The following NGEF variants were observed in gnomAD, a reference collection of about 807,000 sequenced individuals.
The protein encoded by NGEF is neuronal guanine nucleotide exchange factor.
NGEF carries 31 observed loss-of-function variants against 80.9 expected under a neutral mutation model. The ratio of observed to expected loss-of-function variants is 0.38; its 90% confidence interval spans 0.29 to 0.52. The LOEUF (loss-of-function observed/expected upper bound fraction) is 0.52. Among genes scored for constraint, NGEF ranks in the 20% least tolerant of loss-of-function variants. NGEF has a pLI of 0.84. For synonymous variants in NGEF, 371 were observed against 370.2 expected (o/e 1.00, Z -0.03); for missense variants, 709 against 926.2 (o/e 0.77, Z 3.04).
At chr2:232,890,833 G>A (rs943894252) in intron 8 of NGEF, 7 of 459,924 alleles carry the variant, frequency 1.5e-5, no homozygotes, top group Admixed American at 2.4e-5. Context: ...CTGAGGACAG[G>A]ACCCAATGTC....
At chr2:232,893,095 G>A (rs1173093514) in intron 6 of NGEF, 45 bp from the exon 7 acceptor site, 9 of 1,587,088 alleles carry the variant, frequency 5.7e-6, no homozygotes, top group South Asian at 1.1e-5. Context: ...CGGGGGGTAG[G>A]GTGGGGAATT....
chr2:232,879,441 GT>G lies in NGEF; in HGVS notation c.*47del. On this transcript the variant is annotated 3_prime_UTR_variant, in exon 15 of 15. Transcript: ENST00000264051. ...CAGAGCCCCCCCCCCCCCACCTTCT[GT>G]CGGGGTCTCATGCAGGCCCTGCTCC... is the stretch of plus-strand genomic sequence containing the variant. The G allele has an allele frequency of 7.8e-7, 1 of 1,281,396 alleles. No homozygotes were observed. Among genetic ancestry groups the G allele is most frequent in the Non-Finnish European group, 1.1e-6 (1 of 927,640 alleles). 79.4% of individuals were successfully genotyped at this position (1,281,396 alleles called of 1,614,324 possible).
intron 1 of NGEF, among the ~76,000 whole-genome samples, chr2:232,991,911 A>G (rs1330868954): frequency 6.6e-6 from 1 of 152,238 alleles, no homozygotes; most frequent in Non-Finnish European, 1.5e-5. Context: ...TTGGGTATCC[A>G]TAAATAAACT....
At chr2:232,962,544 A>T (rs1021235939) in intron 3 of NGEF, among the ~76,000 whole-genome samples, 2 of 152,094 alleles carry the variant, frequency 1.3e-5, no homozygotes, top group East Asian at 3.9e-4. Flanking sequence ...GTGAGACTCC[A>T]TCTCAAAAAG....
chr2:232,943,597 G>C (rs1042862194), intron 3 of NGEF, among the ~76,000 whole-genome samples: 1 of 150,454 alleles, frequency 6.6e-6, no homozygotes, highest in African/African-American at 2.4e-5. Context: ...CCGGGTTCAC[G>C]CCATTCTCCT....
chr2:232,915,849 C>A (rs1469866456), intron 5 of NGEF, among the ~76,000 whole-genome samples: 2 of 152,116 alleles, frequency 1.3e-5, no homozygotes, highest in Non-Finnish European at 2.9e-5. Context: ...CACCACCACG[C>A]CCAGCTAATT....
chr2:232,898,370 G>A (rs931502286), intron 5 of NGEF, among the ~76,000 whole-genome samples: 1 of 152,144 alleles, frequency 6.6e-6, no homozygotes, highest in African/African-American at 2.4e-5. Flanking sequence ...TGATCTTCAG[G>A]GCCAGGGGAA....
chr2:232,957,432 C>T (rs1214539293), intron 3 of NGEF, among the ~76,000 whole-genome samples: 5 of 152,148 alleles, frequency 3.3e-5, no homozygotes, highest in African/African-American at 1.2e-4. Flanking sequence ...AAACAATTCT[C>T]CTGCCTCAGC....
intron 8 of NGEF, among the ~76,000 whole-genome samples, chr2:232,888,354 A>G (rs1691765616): frequency 9.2e-6 from 1 of 108,606 alleles, no homozygotes; most frequent in South Asian, 2.4e-4. Flanking sequence ...ACCTGCAAGC[A>G]GTGTGCACAC....
intron 3 of NGEF, among the ~76,000 whole-genome samples, chr2:232,952,412 T>C (rs1004007994): frequency 6.6e-6 from 1 of 152,230 alleles, no homozygotes; most frequent in Non-Finnish European, 1.5e-5. Flanking sequence ...ACTTTTTGGC[T>C]CATTGCCATT....
chr2:232,998,744 A>G (rs906123155), intron 1 of NGEF, among the ~76,000 whole-genome samples: 1 of 152,120 alleles, frequency 6.6e-6, no homozygotes, highest in African/African-American at 2.4e-5. Flanking sequence ...GTGCCAGGCC[A>G]GTCGTCTCTC....
chr2:232,891,333 G>C, intron 8 of NGEF, 25 bp downstream of exon 8: 1 of 1,612,144 alleles, frequency 6.2e-7, no homozygotes, highest in Non-Finnish European at 8.5e-7. Context: ...AGCCCCGTCT[G>C]TGGGTCAGGT....
intron 5 of NGEF, among the ~76,000 whole-genome samples, chr2:232,909,222 T>C (rs930417314): frequency 6.6e-5 from 10 of 152,240 alleles, no homozygotes; most frequent in Non-Finnish European, 1.5e-4. Flanking sequence ...CTCAAAAAAG[T>C]ATCCCTTTGA....
At chr2:233,011,491 C>T (rs1399994976) in intron 1 of NGEF, among the ~76,000 whole-genome samples, 1 of 151,592 alleles carries the variant, frequency 6.6e-6, no homozygotes. Flanking sequence ...TTGGTCTCCT[C>T]TGAGAGGCTC....
intron 5 of NGEF, among the ~76,000 whole-genome samples, chr2:232,911,365 ATG>A (rs1479634873): frequency 9.9e-5 from 15 of 152,190 alleles, no homozygotes. Flanking sequence ...CCACTGATCT[ATG>A]TGTCTGTAAT....
intron 3 of NGEF, among the ~76,000 whole-genome samples, chr2:232,946,200 G>T (rs1251917561): frequency 1.3e-5 from 2 of 151,842 alleles, no homozygotes; most frequent in African/African-American, 2.4e-5. Flanking sequence ...ACCAAATATT[G>T]TATGTTCTCA....
chr2:232,942,995 AT>A (rs1693471915), intron 3 of NGEF, among the ~76,000 whole-genome samples: 1 of 136,816 alleles, frequency 7.3e-6, no homozygotes, highest in Non-Finnish European at 1.5e-5. Context: ...GCCATGTCTC[AT>A]TTTTTCCATG....
chr2:232,912,116 A>G (rs1302461532), intron 5 of NGEF, among the ~76,000 whole-genome samples: 1 of 152,230 alleles, frequency 6.6e-6, no homozygotes, highest in Non-Finnish European at 1.5e-5. Context: ...GTCCTTCACC[A>G]TTAAGTATGA....
At position 232,927,031 on chromosome 2, in the gene NGEF, C is replaced by A. The variant is rs776761944; in HGVS notation, c.526+13G>T. On this transcript the variant is annotated intron_variant, in intron 4 of 14. Transcript: ENST00000264051. ...TTTCCCAAATAAAACCCGGTTACTG[C>A]GGAGACACCCACCTATTTGTTCAAT... is the stretch of plus-strand genomic sequence containing the variant. 6.2e-7 allele frequency: 1 copy of A among 1,613,966 alleles called. No individual in the cohort carries two copies. Among genetic ancestry groups the A allele is most frequent in the Non-Finnish European group, 8.5e-7 (1 of 1,179,986 alleles).
Sources: gnomAD v4.1 joint callset for allele counts (sites outside exome capture counted in the v4.1 genomes callset) on GRCh38, gnomAD v4.1.1 for gene constraint, MANE v1.5 for transcripts, NCBI Gene and HGNC (gene_info 2026-07-23, HGNC 2026-07-21) for gene names.